TENM3: variants seen among roughly 807,000 people sequenced by gnomAD.
TENM3 encodes the protein teneurin transmembrane protein 3.
TENM3 carries 63 observed loss-of-function variants against 255.1 expected under a neutral mutation model. The observed-to-expected ratio is 0.25, with a 90% confidence interval of 0.20 to 0.30. The LOEUF (loss-of-function observed/expected upper bound fraction) is 0.30. Ranked by LOEUF, TENM3 falls within the 10% of genes least tolerant of loss-of-function variation. TENM3 has a pLI of 1.00. For missense variants in TENM3, 2,929 were observed against 3,461.1 expected, an observed-to-expected ratio of 0.85 and a Z score of 3.86; for synonymous variants, 1,306 against 1,322.3, an observed-to-expected ratio of 0.99 and a Z score of 0.27.
chr4:181,793,957 T>C, the TENM3 span, among the ~76,000 whole-genome samples: 2 of 152,204 alleles, frequency 1.3e-5, no homozygotes, highest in East Asian at 3.9e-4. Context: ...TTTATATACC[T>C]CCTGTTGTTT....
intron 1 of TENM3, among the ~76,000 whole-genome samples, chr4:182,292,805 T>C (rs1319580450): frequency 6.6e-6 from 1 of 152,136 alleles, no homozygotes; most frequent in Non-Finnish European, 1.5e-5. Flanking sequence ...AGTGTAAATA[T>C]GCTAAGGAAG....
intron 1 of TENM3, among the ~76,000 whole-genome samples, chr4:182,215,184 CT>C (rs1383236165): frequency 6.6e-6 from 1 of 152,134 alleles, no homozygotes; most frequent in Non-Finnish European, 1.5e-5. Context: ...TTTTCAAGAG[CT>C]TTAATAGTGG....
intron 1 of TENM3, among the ~76,000 whole-genome samples, chr4:182,290,692 A>G (rs1026553055): frequency 6.6e-6 from 1 of 151,256 alleles, no homozygotes; most frequent in African/African-American, 2.4e-5. Context: ...TTTAGTAGAG[A>G]CAGGGTTTCA....
rs1755995863 is a variant in TENM3, at chr4:182,679,870, GTTA to G, written c.1533_1535del (p.Ile512del). The G allele has an allele frequency of 2.5e-6, 4 of 1,606,414 alleles. No individual in the cohort carries two copies. The highest frequency in any genetic ancestry group is 3.4e-6 in the Non-Finnish European group (4 of 1,175,674). ...AGAGCAGGTGTCTTTTAATACCATT[GTTA>G]TAGGTAAGAATAGTCTTCAAAGCAG... On this transcript the variant is annotated inframe_deletion, in exon 8 of 28. Coordinates refer to ENST00000511685, the MANE Select transcript of TENM3 (RefSeq NM_001080477.4).
intron 3 of TENM3, among the ~76,000 whole-genome samples, chr4:182,361,823 CT>C (rs1365790633): frequency 1.3e-5 from 2 of 152,140 alleles, no homozygotes; most frequent in African/African-American, 4.8e-5. Flanking sequence ...TTTTTCTGCT[CT>C]GTTTTTTCCC....
At chr4:182,487,951 A>T (rs1734918993) in intron 3 of TENM3, among the ~76,000 whole-genome samples, 1 of 152,226 alleles carries the variant, frequency 6.6e-6, no homozygotes, top group Non-Finnish European at 1.5e-5. Flanking sequence ...GGGTTAAAAT[A>T]GGAAGTTATG....
chr4:182,656,650 C>T, intron 6 of TENM3, among the ~76,000 whole-genome samples: 1 of 152,172 alleles, frequency 6.6e-6, no homozygotes, highest in East Asian at 1.9e-4. Context: ...CTGAACAAAG[C>T]TCACTAGGAG....
At chr4:182,140,610 C>T (rs1242248430), upstream of TENM3, among the ~76,000 whole-genome samples, 3 of 152,190 alleles carry the variant, frequency 2.0e-5, no homozygotes, top group African/African-American at 2.4e-5. Flanking sequence ...GAGCCTAATA[C>T]CTGCCTGACC....
the TENM3 span, among the ~76,000 whole-genome samples, chr4:181,543,368 G>A: frequency 8.5e-5 from 13 of 152,120 alleles, no homozygotes; most frequent in African/African-American, 1.2e-4. Context: ...AGGAGTAGGA[G>A]GAGAAGATAC....
chr4:182,575,053 G>T (rs6814248), intron 3 of TENM3, among the ~76,000 whole-genome samples: 98,273 of 152,004 alleles, frequency 0.65, 34,079 homozygotes, highest in Non-Finnish European at 0.78. Context: ...AGGAAGCACT[G>T]AAGATTTTGT....
At chr4:181,721,809 G>A in the TENM3 span, among the ~76,000 whole-genome samples, 1 of 151,952 alleles carries the variant, frequency 6.6e-6, no homozygotes, top group Non-Finnish European at 1.5e-5. Context: ...CTACAAGACA[G>A]CGTGTAGCCT....
At chr4:182,389,241 A>G (rs530099573) in intron 3 of TENM3, among the ~76,000 whole-genome samples, 1 of 152,266 alleles carries the variant, frequency 6.6e-6, no homozygotes, top group African/African-American at 2.4e-5. Context: ...TGTTTCCACT[A>G]ATCTGATCCC....
intron 3 of TENM3, among the ~76,000 whole-genome samples, chr4:182,568,322 CA>C (rs1360787157): frequency 1.3e-5 from 2 of 152,118 alleles, no homozygotes; most frequent in South Asian, 4.1e-4. Flanking sequence ...AGATGAACAC[CA>C]AAACCTGCAG....
chr4:182,059,756 A>AG, the TENM3 span, among the ~76,000 whole-genome samples: 1 of 128,874 alleles, frequency 7.8e-6, no homozygotes, highest in Non-Finnish European at 1.5e-5. Context: ...AAAAAAAAAA[A>AG]AAAAAAGAAA....
At chr4:182,167,981 G>A (rs983453676) in intron 1 of TENM3, among the ~76,000 whole-genome samples, 3 of 152,082 alleles carry the variant, frequency 2.0e-5, no homozygotes, top group Admixed American at 1.3e-4. Context: ...TTATTATAAC[G>A]ATATTTAGTA....
At chr4:182,701,667 T>A (rs1283560966) in intron 12 of TENM3, among the ~76,000 whole-genome samples, 1 of 152,214 alleles carries the variant, frequency 6.6e-6, no homozygotes, top group African/African-American at 2.4e-5. Flanking sequence ...TCACTTACTC[T>A]AACTCTTCCC....
chr4:181,521,696 C>T, the TENM3 span, among the ~76,000 whole-genome samples: 1 of 152,114 alleles, frequency 6.6e-6, no homozygotes, highest in African/African-American at 2.4e-5. Context: ...CCTCCCTCAG[C>T]ACTGCCATGC....
intron 3 of TENM3, among the ~76,000 whole-genome samples, chr4:182,584,291 C>T (rs1745792798): frequency 6.6e-6 from 1 of 152,206 alleles, no homozygotes; most frequent in South Asian, 2.1e-4. Flanking sequence ...GACAACATGA[C>T]ATTGAAGAAT....
chr4:181,709,264 G>A, the TENM3 span, among the ~76,000 whole-genome samples: 1 of 152,182 alleles, frequency 6.6e-6, no homozygotes, highest in East Asian at 1.9e-4. Flanking sequence ...TGTTTTGCCT[G>A]CTACAGGTAT....
Sources: allele counts gnomAD v4.1 joint callset (sites outside exome capture counted in the v4.1 genomes callset), GRCh38; gene constraint gnomAD v4.1.1; transcripts MANE v1.5; gene names NCBI Gene and HGNC (gene_info 2026-07-23, HGNC 2026-07-21).